UBE2F: variants seen among roughly 807,000 people sequenced by gnomAD.
UBE2F encodes ubiquitin conjugating enzyme E2 F (putative).
In UBE2F, 5 loss-of-function variants were observed where a neutral mutation model predicts 29.6. The observed-to-expected ratio is 0.17, with a 90% CI of 0.09 to 0.36. UBE2F has a LOEUF of 0.36. Among genes scored for constraint, UBE2F ranks in the 10% least tolerant of loss-of-function variants. The probability of loss-of-function intolerance (pLI) is 1.00; values close to 1 mark genes in which losing one functional copy is unlikely to be tolerated. For missense variants in UBE2F, 141 were observed against 228.5 expected (o/e 0.62, Z 2.47); for synonymous variants, 66 against 81.8 (o/e 0.81, Z 1.04).
intron 4 of UBE2F, among the ~76,000 whole-genome samples, chr2:238,010,920 T>G (rs2064008888): frequency 6.6e-6 from 1 of 152,174 alleles, no homozygotes; most frequent in Admixed American, 6.5e-5. Context: ...CCATTTCCAT[T>G]GCAAGGTCAA....
At chr2:237,993,016 C>T (rs2063620882) in intron 3 of UBE2F, among the ~76,000 whole-genome samples, 1 of 150,792 alleles carries the variant, frequency 6.6e-6, no homozygotes. Context: ...CAGATGGAGT[C>T]TCGCTTTGTT....
intron 4 of UBE2F, among the ~76,000 whole-genome samples, chr2:237,999,088 ATTTT>A (rs1042402210): frequency 6.7e-6 from 1 of 150,064 alleles, no homozygotes; most frequent in African/African-American, 2.5e-5. Flanking sequence ...TTATTTATTT[ATTTT>A]TTTTTTTTGA....
At chr2:237,980,774 G>A (rs970872860) in intron 2 of UBE2F, among the ~76,000 whole-genome samples, 1 of 152,180 alleles carries the variant, frequency 6.6e-6, no homozygotes, top group Non-Finnish European at 1.5e-5. Flanking sequence ...CCCAGCCCCA[G>A]TGCCAGGTAC....
intron 2 of UBE2F, among the ~76,000 whole-genome samples, chr2:237,974,067 C>T (rs1234706417): frequency 2.6e-5 from 4 of 151,958 alleles, no homozygotes; most frequent in African/African-American, 9.7e-5. Context: ...AATCTTGGCT[C>T]ACTGCAACCT....
chr2:237,974,014 G>A (rs1371329151), intron 2 of UBE2F, among the ~76,000 whole-genome samples: 1 of 151,936 alleles, frequency 6.6e-6, no homozygotes, highest in Non-Finnish European at 1.5e-5. Context: ...TTATTTTTTT[G>A]AGACAGAGTC....
At chr2:238,035,092 A>G (rs1410768811) in intron 8 of UBE2F, 2 of 152,220 alleles carry the variant, frequency 1.3e-5, no homozygotes, top group Admixed American at 6.5e-5. Flanking sequence ...GGGTTTCACC[A>G]TGTTGGCCAA....
intron 2 of UBE2F, among the ~76,000 whole-genome samples, chr2:237,974,501 G>GTTTTTT (rs370519965): frequency 9.2e-6 from 1 of 108,582 alleles, no homozygotes; most frequent in Non-Finnish European, 1.7e-5. Context: ...AATTTTTGTG[G>GTTTTTT]TTTTTTTTTT....
In UBE2F at chr2:237,972,554, T is replaced by A. The variant is rs1379676316; in HGVS notation, c.-16-538T>A. ...TTTTAATTTTAAATTTTTTTTTTTTTTTTTTTTTTTTTTTGAGACAGGGTC... is the reference window on the plus strand; with the variant it reads ...TTTTAATTTTAAATTTTTTTTTTTTATTTTTTTTTTTTTTGAGACAGGGTC... On this transcript the variant is annotated intron_variant, in intron 1 of 9. Coordinates refer to ENST00000272930, the MANE Select transcript of UBE2F (RefSeq NM_080678.3). 2.9e-3 allele frequency among the ~76,000 whole-genome samples: 429 copies of A among 145,648 alleles called. 6 individuals are homozygous for A. The highest frequency in any genetic ancestry group is 9.7e-3 in the African/African-American group (387 of 39,764).
rs1403154518 is a variant in UBE2F, at chr2:238,040,457, C to T, written c.508-831C>T. Among the ~76,000 whole-genome samples, 2 of 152,288 alleles carry T rather than the reference C, an allele frequency of 1.3e-5. No homozygotes were observed. Among genetic ancestry groups the T allele is most frequent in the East Asian group, 3.9e-4 (2 of 5,186 alleles). On this transcript the variant is annotated intron_variant, in intron 9 of 9. Transcript: ENST00000272930. The surrounding 1 kb of genome is among the most constrained non-coding windows in gnomAD (Gnocchi z 4.4). Reference sequence around the variant, plus strand: ...AACTATGGTAACTGTGCTGTGTTCCCTGGGCAGTGGGGGCTGCATGGCATT... The same window carrying T: ...AACTATGGTAACTGTGCTGTGTTCCTTGGGCAGTGGGGGCTGCATGGCATT...
chr2:237,988,184 A>C (rs890152383), intron 3 of UBE2F, among the ~76,000 whole-genome samples, 192 bp downstream of exon 3: 2 of 152,180 alleles, frequency 1.3e-5, no homozygotes, highest in Admixed American at 6.5e-5. Flanking sequence ...ATGGTGGCTC[A>C]TGCTGCTAGT....
chr2:237,993,876 A>T (rs2063637745), intron 3 of UBE2F, among the ~76,000 whole-genome samples: 1 of 152,172 alleles, frequency 6.6e-6, no homozygotes, highest in Admixed American at 6.5e-5. Flanking sequence ...CTGCACCAGC[A>T]GCCAGTAGCT....
At chr2:237,988,945 C>T (rs11692064) in intron 3 of UBE2F, among the ~76,000 whole-genome samples, 1 of 152,150 alleles carries the variant, frequency 6.6e-6, no homozygotes, top group Admixed American at 6.5e-5. Context: ...TCATGAGCAC[C>T]GTACATTCGG....
chr2:237,970,288 TCTC>T, intron 1 of UBE2F, among the ~76,000 whole-genome samples: 1 of 152,154 alleles, frequency 6.6e-6, no homozygotes, highest in Non-Finnish European at 1.5e-5. Context: ...GGTGGGAGGA[TCTC>T]TTGAACCTGG....
At chr2:238,021,268 G>T (rs1247704687) in intron 5 of UBE2F, among the ~76,000 whole-genome samples, 1 of 152,242 alleles carries the variant, frequency 6.6e-6, no homozygotes, top group Admixed American at 6.5e-5. Flanking sequence ...TGGAGGAGGA[G>T]AGCCAGAGAC....
At chr2:238,038,248 C>T (rs1023689463) in intron 9 of UBE2F, among the ~76,000 whole-genome samples, 23 of 152,172 alleles carry the variant, frequency 1.5e-4, no homozygotes, top group African/African-American at 5.3e-4. Context: ...GGTGTGCTGC[C>T]AAGGAGGCAA....
intron 1 of UBE2F, among the ~76,000 whole-genome samples, chr2:237,968,222 CAG>C (rs1310502704): frequency 6.6e-6 from 1 of 152,014 alleles, no homozygotes; most frequent in Non-Finnish European, 1.5e-5. Flanking sequence ...GATTGAGAGA[CAG>C]AATCACACCA....
intron 4 of UBE2F, among the ~76,000 whole-genome samples, chr2:238,012,879 A>G (rs61692777): frequency 0.027 from 4,108 of 152,252 alleles, 191 homozygotes; most frequent in African/African-American, 0.094. Context: ...TACTAAATGA[A>G]GTTTTCATCA....
intron 4 of UBE2F, among the ~76,000 whole-genome samples, chr2:237,996,764 C>T (rs1466275362): frequency 6.6e-6 from 1 of 152,194 alleles, no homozygotes; most frequent in African/African-American, 2.4e-5. Context: ...GTGTGAGCCA[C>T]TGCGCCCAGC....
At chr2:237,988,447 C>CA (rs35634659) in intron 3 of UBE2F, among the ~76,000 whole-genome samples, 76 of 144,566 alleles carry the variant, frequency 5.3e-4, no homozygotes, top group African/African-American at 1.4e-3. Flanking sequence ...GACTCCATCT[C>CA]AAAAAAAAAA....
Sources: gnomAD v4.1 joint callset for allele counts (sites outside exome capture counted in the v4.1 genomes callset) on GRCh38, gnomAD v4.1.1 for gene constraint, Gnocchi (gnomAD v3.1) non-coding constraint, MANE v1.5 for transcripts, NCBI Gene and HGNC (gene_info 2026-07-23, HGNC 2026-07-21) for gene names.